Variants in LRRC4C observed in about 807,000 individuals in gnomAD.
LRRC4C encodes the protein leucine rich repeat containing 4C, also known as leucine-rich repeat-containing protein 4C.
Under a neutral mutation model 33.6 loss-of-function variants are expected in LRRC4C, and 5 were observed. The ratio of observed to expected loss-of-function variants is 0.15; its 90% CI spans 0.08 to 0.31. The LOEUF (loss-of-function observed/expected upper bound fraction) is 0.31. Among genes scored for constraint, LRRC4C ranks in the 10% least tolerant of loss-of-function variants. LRRC4C has a pLI of 1.00. For missense variants in LRRC4C, 560 were observed against 796.7 expected (o/e 0.70, Z 3.58); for synonymous variants, 329 against 302.0 (o/e 1.09, Z -0.93).
intron 1 of LRRC4C, among the ~76,000 whole-genome samples, chr11:41,111,034 T>C (rs1039118459): frequency 6.6e-6 from 1 of 152,084 alleles, no homozygotes; most frequent in Admixed American, 6.6e-5. Flanking sequence ...GGAGACTACT[T>C]TGGAGAAGCA....
chr11:40,164,159 C>T (rs1859392476), intron 5 of LRRC4C, among the ~76,000 whole-genome samples: 1 of 152,128 alleles, frequency 6.6e-6, no homozygotes, highest in Admixed American at 6.5e-5. Context: ...AGTCTTAAGC[C>T]ATCAGGAACT....
chr11:41,459,324 C>A (rs1339582674), intron 1 of LRRC4C, 107 bp downstream of exon 1: 1 of 152,060 alleles, frequency 6.6e-6, no homozygotes, highest in Non-Finnish European at 1.5e-5. Context: ...GCATTCCAAT[C>A]TCTAAAAATG....
chr11:40,817,695 T>C (rs1951762383), intron 2 of LRRC4C, among the ~76,000 whole-genome samples: 1 of 152,146 alleles, frequency 6.6e-6, no homozygotes, highest in African/African-American at 2.4e-5. Context: ...TTGAATCTTA[T>C]CTCTTCCTTA....
chr11:40,944,058 C>G (rs1245301928), intron 1 of LRRC4C, among the ~76,000 whole-genome samples: 2 of 152,274 alleles, frequency 1.3e-5, no homozygotes, highest in South Asian at 2.1e-4. Context: ...ATCATTACAT[C>G]TAACACCTAT....
At chr11:40,980,935 TACAAATCTAA>T (rs1852474708) in intron 1 of LRRC4C, among the ~76,000 whole-genome samples, 1 of 152,240 alleles carries the variant, frequency 6.6e-6, no homozygotes, top group African/African-American at 2.4e-5. Flanking sequence ...TATCAGGCTC[TACAAATCTAA>T]TTTGTATTAA....
At chr11:41,252,634 AAT>A (rs1189767157) in intron 1 of LRRC4C, among the ~76,000 whole-genome samples, 8 of 152,128 alleles carry the variant, frequency 5.3e-5, no homozygotes, top group Non-Finnish European at 1.0e-4. Context: ...AGCAACAAAA[AAT>A]GTCCTATTTA....
chr11:41,438,831 C>T lies in LRRC4C; in HGVS notation c.-496+20600G>A, dbSNP rs1281680172. Among the ~76,000 whole-genome samples, 5 of 152,186 alleles carry T rather than the reference C, an allele frequency of 3.3e-5. No individual in the cohort carries two copies. The South Asian group carries it at 1.0e-3, about 32-fold the overall frequency. On this transcript the variant is annotated intron_variant, in intron 1 of 6. Transcript: ENST00000528697. ...CACCTGAGGATCACAAGTAAGGAAA[C>T]CGATTTGATTCTAAATGCAAAATAT... is the stretch of plus-strand genomic sequence containing the variant.
intron 5 of LRRC4C, among the ~76,000 whole-genome samples, chr11:40,240,556 C>G (rs1865865012): frequency 6.6e-6 from 1 of 152,144 alleles, no homozygotes; most frequent in African/African-American, 2.4e-5. Context: ...TAAACATGCA[C>G]ACTCTTGATG....
intron 1 of LRRC4C, among the ~76,000 whole-genome samples, chr11:41,210,855 G>A (rs901968540): frequency 1.3e-5 from 2 of 152,144 alleles, no homozygotes; most frequent in African/African-American, 4.8e-5. Context: ...TCCACTGATG[G>A]GGGTTGGGAG....
chr11:40,744,221 A>T (rs1948305378), intron 2 of LRRC4C, among the ~76,000 whole-genome samples: 1 of 152,170 alleles, frequency 6.6e-6, no homozygotes, highest in Admixed American at 6.5e-5. Context: ...AGTGTGTCAG[A>T]TGGAGCAAGT....
At chr11:41,211,269 A>G (rs1946809009) in intron 1 of LRRC4C, among the ~76,000 whole-genome samples, 1 of 152,204 alleles carries the variant, frequency 6.6e-6, no homozygotes, top group Admixed American at 6.5e-5. Flanking sequence ...AGTGAATGCT[A>G]TGGAATCCAT....
At chr11:40,511,345 T>C (rs1320321805) in intron 3 of LRRC4C, among the ~76,000 whole-genome samples, 3 of 152,088 alleles carry the variant, frequency 2.0e-5, no homozygotes, top group Admixed American at 6.6e-5. Flanking sequence ...GTACATTTTA[T>C]GACAAAGAAA....
At chr11:40,662,658 A>T (rs1495298) in intron 2 of LRRC4C, among the ~76,000 whole-genome samples, 30,218 of 152,166 alleles carry the variant, frequency 0.2, 3,124 homozygotes, top group Non-Finnish European at 0.22. Flanking sequence ...CATTTTGTCT[A>T]AGTGCAGTAG....
intron 3 of LRRC4C, among the ~76,000 whole-genome samples, chr11:40,430,628 C>G (rs985040248): frequency 6.6e-6 from 1 of 152,076 alleles, no homozygotes; most frequent in African/African-American, 2.4e-5. Context: ...GGCTGGTCAG[C>G]ACAGAAATTT....
chr11:40,481,061 A>G (rs889848377), intron 3 of LRRC4C, among the ~76,000 whole-genome samples: 2 of 152,008 alleles, frequency 1.3e-5, no homozygotes, highest in Non-Finnish European at 2.9e-5. Flanking sequence ...ATGTTTTACA[A>G]CAGTAAAAAA....
chr11:40,591,619 G>T (rs1338008309), intron 3 of LRRC4C, among the ~76,000 whole-genome samples: 3 of 152,194 alleles, frequency 2.0e-5, no homozygotes, highest in African/African-American at 4.8e-5. Context: ...TTCAAGATCA[G>T]TAGCTTTCAT....
chr11:40,320,819 A>T, intron 3 of LRRC4C, among the ~76,000 whole-genome samples: 1 of 152,206 alleles, frequency 6.6e-6, no homozygotes, highest in East Asian at 1.9e-4. Flanking sequence ...ATGATCAGGA[A>T]GATTTTGTGG....
intron 1 of LRRC4C, among the ~76,000 whole-genome samples, chr11:41,093,550 T>C (rs530341584): frequency 6.6e-6 from 1 of 152,166 alleles, no homozygotes; most frequent in Non-Finnish European, 1.5e-5. Flanking sequence ...TTCTTTCTTC[T>C]AGATTATTTC....
At chr11:40,353,584 C>T (rs543387037) in intron 3 of LRRC4C, among the ~76,000 whole-genome samples, 1 of 152,142 alleles carries the variant, frequency 6.6e-6, no homozygotes, top group African/African-American at 2.4e-5. Context: ...CCTAGTGTCA[C>T]GTGCCTGTAA....
Sources: allele counts gnomAD v4.1 joint callset (sites outside exome capture counted in the v4.1 genomes callset), GRCh38; gene constraint gnomAD v4.1.1; transcripts MANE v1.5; gene names NCBI Gene and HGNC (gene_info 2026-07-23, HGNC 2026-07-21).